Variants in TEX48 observed in about 807,000 individuals in gnomAD.
TEX48 encodes the protein testis expressed 48.
A neutral mutation model predicts 13.2 loss-of-function variants in TEX48; 10 were observed. The observed-to-expected ratio is 0.75, with a 90% CI of 0.47 to 1.28. The LOEUF is 1.28. Among genes scored for constraint, TEX48 ranks in the 50% most tolerant of loss-of-function variants. TEX48 has a pLI of 0.00. For missense variants in TEX48, 116 were observed against 139.4 expected (o/e 0.83, Z 0.84); for synonymous variants, 45 against 52.3 (o/e 0.86, Z 0.60).
At chr9:114,674,842 CTTTTTTT>C (rs79196358) in intron 1 of TEX48, among the ~76,000 whole-genome samples, 1 of 135,126 alleles carries the variant, frequency 7.4e-6, no homozygotes, top group Non-Finnish European at 1.6e-5. Flanking sequence ...CCAGCAAATT[CTTTTTTT>C]TTTTTTTTTT....
intron 1 of TEX48, among the ~76,000 whole-genome samples, chr9:114,674,546 T>C (rs1828015246): frequency 6.6e-6 from 1 of 150,866 alleles, no homozygotes; most frequent in African/African-American, 2.5e-5. Flanking sequence ...TCTTCTTTCT[T>C]TCTCTCTTTT....
intron 4 of TEX48, among the ~76,000 whole-genome samples, chr9:114,667,588 CAT>C (rs1294550463): frequency 6.6e-6 from 1 of 152,164 alleles, no homozygotes; most frequent in African/African-American, 2.4e-5. Flanking sequence ...ATCAAGTAAG[CAT>C]ATGAAAAATA....
At position 114,668,205 on chromosome 9, in the gene TEX48, C is replaced by T. The variant is rs776142010; in HGVS notation, c.259+1G>A. The T allele has an allele frequency of 5.9e-6, 9 of 1,535,506 alleles. 1 individual carries two copies. The South Asian group carries it at 5.9e-5, about 10-fold the overall frequency. ...TGTTAGGACCCCAATTTGGGACTCA[C>T]CCTCAAACTCACTGCTGCTGGAGGA... is the stretch of plus-strand genomic sequence containing the variant. On this transcript the variant is annotated splice_donor_variant, in intron 4 of 4. Transcript: ENST00000436752. LOFTEE classifies it high-confidence loss of function.
At chr9:114,670,256 A>G (rs1034629253) in intron 3 of TEX48, among the ~76,000 whole-genome samples, 2 of 152,184 alleles carry the variant, frequency 1.3e-5, no homozygotes, top group Non-Finnish European at 2.9e-5. Flanking sequence ...AGTTTCATTA[A>G]TTATCATCAT....
chr9:114,667,238 G>T (rs970613207), intron 4 of TEX48, among the ~76,000 whole-genome samples: 1 of 152,220 alleles, frequency 6.6e-6, no homozygotes, highest in Non-Finnish European at 1.5e-5. Flanking sequence ...GGGTTTAGTT[G>T]TTAGGGGAAT....
intron 1 of TEX48, among the ~76,000 whole-genome samples, chr9:114,673,400 G>A (rs1827983432): frequency 6.6e-6 from 1 of 151,420 alleles, no homozygotes; most frequent in African/African-American, 2.4e-5. Context: ...GAACCCTGGA[G>A]GCGGAGGTTG....
intron 1 of TEX48, among the ~76,000 whole-genome samples, chr9:114,673,130 A>G (rs867522063): frequency 6.6e-6 from 1 of 152,230 alleles, no homozygotes. Context: ...ACTAAATTTG[A>G]TGGAAAGCAT....
intron 1 of TEX48, among the ~76,000 whole-genome samples, chr9:114,674,666 C>T (rs10982368): frequency 0.21 from 7,499 of 36,090 alleles, 429 homozygotes; most frequent in African/African-American, 0.31. Flanking sequence ...TCCTTCCTTC[C>T]TTCTTTCCTT....
intron 2 of TEX48, 21 bp from the exon 3 acceptor site, chr9:114,671,526 A>AG: frequency 6.8e-7 from 1 of 1,479,146 alleles, no homozygotes. Context: ...CAAAGGAATG[A>AG]GGGGCATGGG....
At chr9:114,677,140 A>G (rs886205406) in intron 1 of TEX48, among the ~76,000 whole-genome samples, 1 of 152,050 alleles carries the variant, frequency 6.6e-6, no homozygotes, top group Non-Finnish European at 1.5e-5. Context: ...AGATGTCACC[A>G]TTGTGTGGAT....
At chr9:114,678,801 C>T (rs1463909934) in intron 1 of TEX48, among the ~76,000 whole-genome samples, 1 of 146,328 alleles carries the variant, frequency 6.8e-6, no homozygotes, top group Non-Finnish European at 1.5e-5. Context: ...ATAATCATGC[C>T]ACTGCACTCC....
chr9:114,672,332 A>T (rs891215459), intron 1 of TEX48, among the ~76,000 whole-genome samples: 1 of 152,178 alleles, frequency 6.6e-6, no homozygotes, highest in Non-Finnish European at 1.5e-5. Context: ...GTAAGAAGTT[A>T]GGCTGGATGA....
At chr9:114,671,900 T>G in intron 1 of TEX48, 73 bp from the exon 2 acceptor site, 1 of 674,340 alleles carries the variant, frequency 1.5e-6, no homozygotes, top group Admixed American at 2.6e-5. Context: ...TAGGATCTAA[T>G]GACAGCAAAA....
chr9:114,669,808 G>A (rs1344092443), intron 3 of TEX48, among the ~76,000 whole-genome samples: 1 of 152,088 alleles, frequency 6.6e-6, no homozygotes, highest in East Asian at 1.9e-4. Flanking sequence ...TTGAACTCCT[G>A]GGCTCAAGTT....
At chr9:114,674,524 CTCTT>C (rs1162350451) in intron 1 of TEX48, among the ~76,000 whole-genome samples, 4 of 151,672 alleles carry the variant, frequency 2.6e-5, no homozygotes, top group Non-Finnish European at 5.9e-5. Flanking sequence ...CAAACATTTT[CTCTT>C]TCTTTTTTCT....
chr9:114,667,961 G>A (rs532028964), intron 4 of TEX48, among the ~76,000 whole-genome samples: 3 of 150,374 alleles, frequency 2.0e-5, no homozygotes, highest in South Asian at 2.1e-4. Context: ...GGAAAGCATG[G>A]ATGTTTGCCC....
At chr9:114,672,968 T>G (rs1827976661) in intron 1 of TEX48, among the ~76,000 whole-genome samples, 1 of 152,036 alleles carries the variant, frequency 6.6e-6, no homozygotes, top group Non-Finnish European at 1.5e-5. Flanking sequence ...TTATCCAAAC[T>G]GAAACAGGGA....
chr9:114,675,190 T>C (rs1165525426), intron 1 of TEX48, among the ~76,000 whole-genome samples: 5 of 152,202 alleles, frequency 3.3e-5, no homozygotes, highest in Non-Finnish European at 5.9e-5. Flanking sequence ...TTTATTCTTG[T>C]CTTGAGTAAA....
intron 3 of TEX48, 48 bp from the exon 4 acceptor site, chr9:114,668,385 A>G: frequency 1.3e-6 from 2 of 1,508,112 alleles, no homozygotes; most frequent in Non-Finnish European, 1.8e-6. Context: ...CTTAGGTGAG[A>G]TCACGGAAGT....
Sources: gnomAD v4.1 joint callset for allele counts (sites outside exome capture counted in the v4.1 genomes callset) on GRCh38, gnomAD v4.1.1 for gene constraint, MANE v1.5 for transcripts, NCBI Gene and HGNC (gene_info 2026-07-23, HGNC 2026-07-21) for gene names.